Variants in KRT26 observed in about 807,000 individuals in gnomAD.
KRT26 encodes keratin 26.
In KRT26, 45 loss-of-function variants were observed where a neutral mutation model predicts 46.1. The observed-to-expected ratio is 0.98, with a 90% confidence interval of 0.77 to 1.25. KRT26 has a LOEUF of 1.25. Among genes scored for constraint, KRT26 ranks in the 50% most tolerant of loss-of-function variants. KRT26 has a pLI of 0.00. For synonymous variants in KRT26, 191 were observed against 209.9 expected (o/e 0.91, Z 0.78); for missense variants, 582 against 560.1 (o/e 1.04, Z -0.39).
intron 1 of KRT26, 40 bp downstream of exon 1, chr17:40,771,633 C>A: frequency 4.0e-6 from 6 of 1,517,190 alleles, no homozygotes; most frequent in Non-Finnish European, 5.4e-6. Flanking sequence ...TATCAACACA[C>A]AAAGTCTGTA....
chr17:40,768,979 T>G lies in KRT26; in HGVS notation c.1087A>C (p.Thr363Pro). 3 of 1,613,828 alleles carry G rather than the reference T, an allele frequency of 1.9e-6. No individual in the cohort carries two copies. Among genetic ancestry groups the G allele is most frequent in the Non-Finnish European group, 2.5e-6 (3 of 1,179,826 alleles). The change falls in exon 6 of 8, where the codon ACA becomes CCA. Residue 363 changes from threonine to proline, a missense_variant. Physicochemically the swap from Thr to Pro is conservative, Grantham distance 38. Transcript: ENST00000335552. ...TCATACTCCAGCTTCTGGCCTTCTG[T>G]TTCTGTTCGAATCTGTTGCAGTTGT... is the stretch of plus-strand genomic sequence containing the variant.
At chr17:40,770,619 T>C (rs1363011062) in intron 2 of KRT26, among the ~76,000 whole-genome samples, 1 of 152,242 alleles carries the variant, frequency 6.6e-6, no homozygotes, top group Non-Finnish European at 1.5e-5. Flanking sequence ...ATTTTTGTCA[T>C]CCAATGTGCT....
intron 2 of KRT26, among the ~76,000 whole-genome samples, chr17:40,770,880 C>T (rs544507049): frequency 1.8e-4 from 27 of 152,050 alleles, no homozygotes; most frequent in South Asian, 1.5e-3. Context: ...TTAGTAGAGA[C>T]GGGGTCTTGC....
intron 6 of KRT26, 51 bp downstream of exon 6, chr17:40,768,828 A>G: frequency 9.4e-7 from 1 of 1,058,842 alleles, no homozygotes; most frequent in East Asian, 2.5e-5. Context: ...ATACTGTGGG[A>G]AAACCTAGTT....
intron 6 of KRT26, 69 bp downstream of exon 6, chr17:40,768,810 G>T: frequency 1.3e-6 from 1 of 771,562 alleles, no homozygotes; most frequent in South Asian, 2.0e-5. Flanking sequence ...TGCAATATTG[G>T]CATACCTATA....
At chr17:40,768,091 G>A (rs144238969) in intron 6 of KRT26, among the ~76,000 whole-genome samples, 1 of 152,330 alleles carries the variant, frequency 6.6e-6, no homozygotes, top group African/African-American at 2.4e-5. Flanking sequence ...AGTGAGTGGT[G>A]TAATGAGTGC....
chr17:40,766,589 G>T (rs866300530), exon 8 of KRT26: 1 of 1,612,564 alleles, frequency 6.2e-7, no homozygotes, highest in Middle Eastern at 1.7e-4. Context: ...TCAACTGAGT[G>T]GACTCTCAGT....
chr17:40,769,126 G>A, intron 5 of KRT26, 30 bp from the exon 6 acceptor site: 1 of 1,396,194 alleles, frequency 7.2e-7, no homozygotes, highest in African/African-American at 1.4e-5. Context: ...AAGCTTGAAT[G>A]TGTAAAAGAG....
chr17:40,767,574 A>C lies in KRT26; in HGVS notation c.1255+12T>G. ...TAAGGAGTTACACCAGGTAAAAAAA[A>C]TCTATCTATACCTTTGGCTTGATTT... On this transcript the variant is annotated intron_variant, in intron 7 of 7. Coordinates refer to ENST00000335552, the Ensembl canonical transcript of KRT26. 1 of 1,560,720 alleles carries C rather than the reference A, an allele frequency of 6.4e-7. No individual in the cohort carries two copies. The highest frequency in any genetic ancestry group is 8.7e-7 in the Non-Finnish European group (1 of 1,149,090).
At chr17:40,771,827 G>C in exon 1 of KRT26, 1 of 1,614,188 alleles carries the variant, frequency 6.2e-7, no homozygotes, top group Non-Finnish European at 8.5e-7. Context: ...GTCCAGGTAG[G>C]ATGCCAGGCG....
exon 1 of KRT26, chr17:40,772,036 T>G (rs768057350): frequency 6.2e-7 from 1 of 1,614,166 alleles, no homozygotes; most frequent in Admixed American, 1.7e-5. Flanking sequence ...CCACGAAGCC[T>G]GTTCCTCCAC....
exon 2 of KRT26, chr17:40,771,173 C>T (rs766059827): frequency 1.4e-5 from 22 of 1,599,234 alleles, no homozygotes; most frequent in East Asian, 4.5e-5. Context: ...AAGTCATCAG[C>T]GGTCAGTCTG....
chr17:40,770,852 T>A (rs1013944488), intron 2 of KRT26, among the ~76,000 whole-genome samples: 1 of 152,000 alleles, frequency 6.6e-6, no homozygotes, highest in African/African-American at 2.4e-5. Context: ...GCCTGACTAT[T>A]TTTTTGTGTG....
At chr17:40,768,557 G>T (rs918511460) in intron 6 of KRT26, among the ~76,000 whole-genome samples, 1 of 152,178 alleles carries the variant, frequency 6.6e-6, no homozygotes, top group Non-Finnish European at 1.5e-5. Context: ...AAAAGAGAAT[G>T]AGTTATTTAT....
exon 3 of KRT26, chr17:40,770,405 C>T: frequency 6.3e-6 from 10 of 1,584,704 alleles, no homozygotes; most frequent in Non-Finnish European, 8.6e-6. Flanking sequence ...AGCTCATTTT[C>T]ATACCTGAAA....
At chr17:40,767,863 G>T (rs2038183797) in intron 6 of KRT26, among the ~76,000 whole-genome samples, 2 of 152,140 alleles carry the variant, frequency 1.3e-5, no homozygotes, top group South Asian at 4.1e-4. Flanking sequence ...ATTTTCTCAT[G>T]ACCAGAAATT....
rs1318025184 is a variant in KRT26 at position 40,769,655 on chromosome 17, TA to T, written c.969+98del. On this transcript the variant is annotated intron_variant, in intron 5 of 7. Transcript: ENST00000335552. The stretch of plus-strand genomic sequence containing the variant: ...TATATTTTATACTTTTAGTCATATG[TA>T]AATGGTTATACGTACTTGGTGTTAT... 4 of 1,234,696 alleles carry T rather than the reference TA, an allele frequency of 3.2e-6. No homozygotes were observed. In the African/African-American group the frequency reaches 4.5e-5, roughly 14 times the overall value. 76.5% of individuals were successfully genotyped at this position (1,234,696 alleles called of 1,614,324 possible). A position where few individuals can be genotyped will look rare whatever the true frequency, so the allele number is the denominator to read the frequency against.
rs377053021 is a variant in KRT26, at chr17:40,771,828, ATGCCAGGCGGTCGT to A, written c.272_285del (p.Asn91IlefsTer28). ...AGAGCATGCACATGGTCCAGGTAGG[ATGCCAGGCGGTCGT>A]TGAGATTCTGCATGGTCACCTTTTC... On this transcript the variant is annotated frameshift_variant, in exon 1 of 8. Transcript: ENST00000335552. LOFTEE classifies it high-confidence loss of function. 491 of 1,614,138 alleles carry A rather than the reference ATGCCAGGCGGTCGT, an allele frequency of 3.0e-4. 1 individual carries two copies. The East Asian group carries it at 6.8e-3, about 22-fold the overall frequency.
Position 40,770,125 on chromosome 17 carries a change from A to G in KRT26, c.682-3T>C. On this transcript the variant is annotated splice_polypyrimidine_tract_variant and splice_region_variant and intron_variant, in intron 3 of 7. Transcript: ENST00000335552. ...GTATATTGCAAGACTTCCATTTCCT[A>G]GAAAAGGGATCGGTATTCATCCTCA... 1.2e-6 allele frequency: 2 copies of G among 1,614,058 alleles called. No individual in the cohort carries two copies. The highest frequency in any genetic ancestry group is 1.7e-6 in the Non-Finnish European group (2 of 1,179,982).
Sources: gnomAD v4.1 joint callset for allele counts (sites outside exome capture counted in the v4.1 genomes callset) on GRCh38, gnomAD v4.1.1 for gene constraint, MANE v1.5 for transcripts, NCBI Gene and HGNC (gene_info 2026-07-23, HGNC 2026-07-21) for gene names.